Variants in SOX6 observed in about 807,000 individuals in gnomAD.
SOX6 encodes the protein transcription factor SOX-6.
In SOX6, 11 loss-of-function variants were observed where a neutral mutation model predicts 97.8. The ratio of observed to expected loss-of-function variants is 0.11; its 90% confidence interval spans 0.07 to 0.19. The LOEUF (loss-of-function observed/expected upper bound fraction) is 0.19, where lower values mean the gene tolerates loss of function less well. SOX6 is among the 10% of genes least tolerant of loss of function. SOX6 has a pLI of 1.00. For synonymous variants in SOX6, 360 were observed against 371.4 expected, an observed-to-expected ratio of 0.97 and a Z score of 0.35; for missense variants, 810 against 1,039.5, an observed-to-expected ratio of 0.78 and a Z score of 3.04.
intron 3 of SOX6, among the ~76,000 whole-genome samples, chr11:16,642,553 A>T (rs540357263): frequency 5.3e-5 from 8 of 152,334 alleles, no homozygotes; most frequent in Non-Finnish European, 7.3e-5. Context: ...CAGGTACACC[A>T]ATCAGACGTA....
chr11:16,294,881 A>T (rs567590054), intron 3 of SOX6, among the ~76,000 whole-genome samples: 5 of 152,176 alleles, frequency 3.3e-5, no homozygotes, highest in South Asian at 2.1e-4. Context: ...GTAGACATTC[A>T]TTAGGACCCA....
chr11:16,711,596 C>A (rs1288384826), intron 3 of SOX6, among the ~76,000 whole-genome samples: 1 of 152,210 alleles, frequency 6.6e-6, no homozygotes, highest in Non-Finnish European at 1.5e-5. Context: ...ATCCAAACTT[C>A]ATTTCATGAT....
chr11:16,120,581 T>C (rs184909742), intron 6 of SOX6, among the ~76,000 whole-genome samples: 1,972 of 149,720 alleles, frequency 0.013, 40 homozygotes, highest in African/African-American at 0.043. Flanking sequence ...TATATATATA[T>C]ACACACACTT....
chr11:16,698,144 C>T (rs1848067589), intron 3 of SOX6, among the ~76,000 whole-genome samples: 1 of 152,204 alleles, frequency 6.6e-6, no homozygotes, highest in Middle Eastern at 3.2e-3. Context: ...TCCTCAATGG[C>T]ATCTTCTTCC....
chr11:16,625,660 G>A (rs996215205), intron 3 of SOX6, among the ~76,000 whole-genome samples: 2 of 152,090 alleles, frequency 1.3e-5, no homozygotes, highest in Admixed American at 1.3e-4. Flanking sequence ...GGGAAGGAAT[G>A]GGGGATAGGA....
In SOX6 at chr11:16,610,617, T is replaced by A. The variant is rs962805644; in HGVS notation, n.609+1464A>T. Among the ~76,000 whole-genome samples the A allele has an allele frequency of 3.2e-4, 48 of 152,182 alleles. No individual in the cohort carries two copies. Among genetic ancestry groups the A allele is most frequent in the African/African-American group, 1.2e-3 (48 of 41,444 alleles). ...ATAAACTGATAGCAAAGTATATTGA[T>A]AAGGCGGAACCCGGAGCAAGTAACA... On this transcript the variant is annotated intron_variant and non_coding_transcript_variant, in intron 4 of 5. Transcript: ENST00000524520. The surrounding 1 kb of genome is among the most constrained non-coding windows in gnomAD (Gnocchi z 4.4).
In SOX6 at chr11:16,084,293, CATTTA is replaced by C. The variant is rs527888439; in HGVS notation, c.1101+11698_1101+11702del. On this transcript the variant is annotated intron_variant, in intron 9 of 15. Coordinates refer to ENST00000683767, the MANE Select transcript of SOX6 (RefSeq NM_001367873.1). ...GTTCCTATCACCTTAAAGTATTACTCATTTAATTTATTTCTTCCTCAGACTATTAC... is the reference window on the plus strand; with the variant it reads ...GTTCCTATCACCTTAAAGTATTACTCATTTATTTCTTCCTCAGACTATTAC... Among the ~76,000 whole-genome samples, 9 of 152,148 alleles carry C rather than the reference CATTTA, an allele frequency of 5.9e-5. No homozygotes were observed. In the East Asian group the frequency reaches 1.7e-3, roughly 29 times the overall value.
chr11:16,472,688 T>C (rs1240092361), intron 1 of SOX6, among the ~76,000 whole-genome samples: 1 of 152,116 alleles, frequency 6.6e-6, no homozygotes, highest in African/African-American at 2.4e-5. Context: ...TTTAAGCTGG[T>C]TCAAAATGCC....
At chr11:16,279,629 G>GAAA (rs200680402) in intron 3 of SOX6, among the ~76,000 whole-genome samples, 8,373 of 151,994 alleles carry the variant, frequency 0.055, 295 homozygotes, top group Non-Finnish European at 0.08. Context: ...AGAATCAGAT[G>GAAA]AAAACTTACA....
chr11:16,341,040 T>C lies in SOX6; in HGVS notation c.209A>G (p.Asp70Gly). 6.2e-7 allele frequency: 1 copy of C among 1,613,438 alleles called. No homozygotes were observed. The highest frequency in any genetic ancestry group is 8.5e-7 in the Non-Finnish European group (1 of 1,179,534). ...VSTIQQDADW[D>G]SVLSSQQRME... ...TCTTTGCTGAGATGACAGAACGCTG[T>C]CCCAGTCAGCATCTTGTTGAATGGT... The change falls in exon 2 of 16, where the codon GAC (aspartate) becomes GGC (glycine). Residue 70 changes from aspartate (D) to glycine (G), a missense_variant. Asp to Gly is a moderately conservative substitution (Grantham distance 94, BLOSUM62 -1). Transcript: ENST00000683767.
intron 1 of SOX6, among the ~76,000 whole-genome samples, chr11:16,401,316 GTTGT>G (rs1160852748): frequency 6.6e-6 from 1 of 151,310 alleles, no homozygotes; most frequent in South Asian, 2.1e-4. Flanking sequence ...GCTGCTGTTT[GTTGT>G]TTGTTTTTGA....
rs1221668272 is a variant in SOX6, at chr11:16,714,443, TTTTC to T, written n.429+383_429+386del. Among the ~76,000 whole-genome samples, 133 of 150,818 alleles carry T rather than the reference TTTTC, an allele frequency of 8.8e-4. 1 individual carries two copies. Among genetic ancestry groups the T allele is most frequent in the African/African-American group, 2.8e-3 (114 of 41,106 alleles). On this transcript the variant is annotated intron_variant and non_coding_transcript_variant, in intron 3 of 5. Transcript: ENST00000524520. ...CAGTTGTTCCAAATGTGTCTTTTAA[TTTTC>T]TTTCTTTTTTTTTTTTTTTTTTTTC...
At chr11:16,524,920 A>C (rs1254077047) in intron 4 of SOX6, among the ~76,000 whole-genome samples, 1 of 152,228 alleles carries the variant, frequency 6.6e-6, no homozygotes. Flanking sequence ...AATCCAACTT[A>C]CAAGGGACGT....
intron 4 of SOX6, among the ~76,000 whole-genome samples, chr11:16,498,263 G>C (rs905186502): frequency 1.3e-5 from 2 of 152,156 alleles, no homozygotes; most frequent in African/African-American, 4.8e-5. Flanking sequence ...AATGCTGAGA[G>C]ATTTTGTCAC....
intron 3 of SOX6, among the ~76,000 whole-genome samples, chr11:16,275,442 C>T (rs1441206690): frequency 2.6e-5 from 4 of 151,896 alleles, no homozygotes; most frequent in Admixed American, 1.3e-4. Context: ...GGCGAAAGAG[C>T]GAGACTCAGT....
At chr11:16,580,596 C>T (rs753963044) in intron 4 of SOX6, among the ~76,000 whole-genome samples, 5 of 152,130 alleles carry the variant, frequency 3.3e-5, no homozygotes, top group Non-Finnish European at 5.9e-5. Flanking sequence ...AGGTGCTCAT[C>T]AGTGGTAGAT....
intron 3 of SOX6, among the ~76,000 whole-genome samples, chr11:16,712,558 T>C (rs562785102): frequency 2.0e-5 from 3 of 152,308 alleles, no homozygotes; most frequent in South Asian, 2.1e-4. Context: ...CTTTTGAGAA[T>C]TGTCTATTCA....
At chr11:16,144,978 G>A (rs10766296) in intron 6 of SOX6, among the ~76,000 whole-genome samples, 47,171 of 152,022 alleles carry the variant, frequency 0.31, 8,781 homozygotes, top group Non-Finnish European at 0.41. Flanking sequence ...GAAAAAGAGG[G>A]AATCCTCCCT....
In SOX6 at chr11:16,391,265, C is replaced by T. The variant is rs189190124; in HGVS notation, c.-4-50013G>A. On this transcript the variant is annotated intron_variant, in intron 1 of 15. Coordinates refer to the SOX6 transcript ENST00000396356. ...TGACAGGTTGATGGTTGCAGCAAAC[C>T]ACCATGGCACGTGTATACCTATGTA... 3.9e-5 allele frequency among the ~76,000 whole-genome samples: 6 copies of T among 152,220 alleles called. No homozygotes were observed. The East Asian group carries it at 1.2e-3, about 29-fold the overall frequency.
Sources: gnomAD v4.1 joint callset for allele counts (sites outside exome capture counted in the v4.1 genomes callset) on GRCh38, gnomAD v4.1.1 for gene constraint, Gnocchi (gnomAD v3.1) non-coding constraint, MANE v1.5 for transcripts, NCBI Gene and HGNC (gene_info 2026-07-23, HGNC 2026-07-21) for gene names.